The following GNAL variants were observed in gnomAD, a reference collection of about 807,000 sequenced individuals.
The protein encoded by GNAL is G protein subunit alpha L.
GNAL carries 18 observed loss-of-function variants against 55.1 expected under a neutral mutation model. The ratio of observed to expected loss-of-function variants is 0.33; its 90% CI spans 0.23 to 0.48. The LOEUF (loss-of-function observed/expected upper bound fraction) is 0.48. Among genes scored for constraint, GNAL ranks in the 20% least tolerant of loss-of-function variants. The pLI is 0.99. For synonymous variants in GNAL, 253 were observed against 237.0 expected, an observed-to-expected ratio of 1.07 and a Z score of -0.62; for missense variants, 412 against 614.1, an observed-to-expected ratio of 0.67 and a Z score of 3.48.
At position 11,882,759 on chromosome 18, in the gene GNAL, C is replaced by T. The variant is rs1178076453; in HGVS notation, c.*1624C>T. 3 of 151,028 alleles carry T rather than the reference C, an allele frequency of 2.0e-5. No homozygotes were observed. The highest frequency in any genetic ancestry group is 4.4e-5 in the Non-Finnish European group (3 of 67,832). 9.4% of individuals were successfully genotyped at this position (151,028 alleles called of 1,614,324 possible). A position where few individuals can be genotyped will look rare whatever the true frequency, so the allele number is the denominator to read the frequency against. On this transcript the variant is annotated 3_prime_UTR_variant, in exon 12 of 12. Coordinates refer to ENST00000334049, the MANE Select transcript of GNAL (RefSeq NM_182978.4). ...TAGGAGAATGAGGATGACAGCTTCA[C>T]TTGCCTTTTGAAGAAGAAACATTAC...
chr18:11,799,706 T>C (rs2034473858), intron 4 of GNAL, among the ~76,000 whole-genome samples: 2 of 152,234 alleles, frequency 1.3e-5, no homozygotes, highest in South Asian at 2.1e-4. Flanking sequence ...TGAAATACTT[T>C]TGGCCCCAGC....
chr18:11,768,981 T>C (rs1334842211), intron 4 of GNAL, among the ~76,000 whole-genome samples: 3 of 109,808 alleles, frequency 2.7e-5, no homozygotes, highest in Non-Finnish European at 4.9e-5. Flanking sequence ...ATATATATTA[T>C]ATATTCTATA....
At chr18:11,789,098 C>T (rs193063994) in intron 4 of GNAL, among the ~76,000 whole-genome samples, 62 of 151,808 alleles carry the variant, frequency 4.1e-4, no homozygotes, top group Non-Finnish European at 7.4e-4. Flanking sequence ...TTCTCGATGC[C>T]ACACAACCTG....
At chr18:11,851,532 C>A (rs376388065) in intron 5 of GNAL, 2 of 1,600,472 alleles carry the variant, frequency 1.2e-6, no homozygotes, top group Non-Finnish European at 1.7e-6. Context: ...TGGAGAAACA[C>A]CTGTTCAACC....
chr18:11,855,420 C>T (rs998316773), intron 5 of GNAL, among the ~76,000 whole-genome samples: 9 of 152,128 alleles, frequency 5.9e-5, no homozygotes, highest in Admixed American at 3.9e-4. Context: ...TTCATTTTTC[C>T]GCCTTCAAGT....
At chr18:11,858,638 C>A (rs1043984427) in intron 5 of GNAL, among the ~76,000 whole-genome samples, 1 of 152,200 alleles carries the variant, frequency 6.6e-6, no homozygotes, top group Non-Finnish European at 1.5e-5. Context: ...ATCTACCACT[C>A]TATTATTTAT....
At chr18:11,746,221 G>A in intron 1 of GNAL, 5 of 516,912 alleles carry the variant, frequency 9.7e-6, no homozygotes, top group South Asian at 5.8e-5. Context: ...TACAACCTCT[G>A]CATGCCTTCT....
intron 1 of GNAL, among the ~76,000 whole-genome samples, chr18:11,743,499 A>G (rs547862244): frequency 6.6e-6 from 1 of 152,232 alleles, no homozygotes; most frequent in South Asian, 2.1e-4. Context: ...TCTAAGTGCT[A>G]AAATTATTTT....
intron 4 of GNAL, among the ~76,000 whole-genome samples, chr18:11,765,673 C>A (rs914603951): frequency 6.6e-6 from 1 of 152,160 alleles, no homozygotes; most frequent in African/African-American, 2.4e-5. Context: ...ATTTGTCTTC[C>A]TGTGCTTGGC....
intron 4 of GNAL, among the ~76,000 whole-genome samples, chr18:11,755,050 G>A (rs1224524634): frequency 4.6e-5 from 7 of 151,660 alleles, no homozygotes; most frequent in African/African-American, 1.7e-4. Flanking sequence ...ATCAATAACA[G>A]TCTTTCAAAA....
chr18:11,778,058 C>T (rs1156998454), intron 4 of GNAL, among the ~76,000 whole-genome samples: 1 of 152,206 alleles, frequency 6.6e-6, no homozygotes. Context: ...CACTCGCTTT[C>T]CCCTGCAAGT....
In GNAL at chr18:11,753,777, A is replaced by G; in HGVS notation, c.505-49A>G. Reference sequence around the variant, plus strand: ...GAAATTACATATTGTAGATTATCATACATGGAGCCTAAATGTTTATCCATA... The same window carrying G: ...GAAATTACATATTGTAGATTATCATGCATGGAGCCTAAATGTTTATCCATA... On this transcript the variant is annotated intron_variant, in intron 3 of 11. Coordinates refer to ENST00000334049, the MANE Select transcript of GNAL (RefSeq NM_182978.4). 3.9e-6 allele frequency: 6 copies of G among 1,525,592 alleles called. No individual in the cohort carries two copies. In the African/African-American group the frequency reaches 6.8e-5, roughly 17 times the overall value. The allele number at this position is 1,525,592 out of a possible 1,614,324, so 94.5% of individuals were successfully genotyped here.
intron 4 of GNAL, among the ~76,000 whole-genome samples, chr18:11,809,165 G>A (rs1301424950): frequency 6.6e-6 from 1 of 152,144 alleles, no homozygotes; most frequent in Non-Finnish European, 1.5e-5. Flanking sequence ...GTCTGAGGCA[G>A]GAGAATCACT....
At chr18:11,702,592 C>G (rs1032965031) in intron 1 of GNAL, among the ~76,000 whole-genome samples, 7 of 152,166 alleles carry the variant, frequency 4.6e-5, no homozygotes, top group African/African-American at 1.7e-4. Flanking sequence ...TACCACGTCC[C>G]AGGTTCTGTC....
chr18:11,764,339 T>G (rs907332495), intron 4 of GNAL, among the ~76,000 whole-genome samples: 2 of 152,104 alleles, frequency 1.3e-5, no homozygotes, highest in Non-Finnish European at 2.9e-5. Context: ...ACTCCCAACC[T>G]TAAGTAATCC....
In GNAL at chr18:11,796,665, C is replaced by T. The variant is rs139714474; in HGVS notation, c.625-28253C>T. The stretch of plus-strand genomic sequence containing the variant: ...ACTGCAAACATTCGGTGATATCCTG[C>T]CAGTGTCATAGAAACAGGTATAACC... On this transcript the variant is annotated intron_variant, in intron 4 of 11. Coordinates refer to ENST00000334049, the MANE Select transcript of GNAL (RefSeq NM_182978.4). Among the ~76,000 whole-genome samples the T allele has an allele frequency of 1.8e-3, 280 of 151,670 alleles. 1 individual carries two copies. The highest frequency in any genetic ancestry group is 6.5e-3 in the African/African-American group (268 of 41,290).
At chr18:11,849,823 A>T (rs906243769) in intron 5 of GNAL, among the ~76,000 whole-genome samples, 2 of 152,192 alleles carry the variant, frequency 1.3e-5, no homozygotes, top group Non-Finnish European at 2.9e-5. Flanking sequence ...TCTGAAATAC[A>T]ATTAAATTCA....
chr18:11,867,821 A>T (rs113452818), intron 8 of GNAL, among the ~76,000 whole-genome samples: 1,551 of 147,446 alleles, frequency 0.011, 27 homozygotes, highest in African/African-American at 0.037. Context: ...TGTCAAAAAA[A>T]AATAATAATA....
intron 5 of GNAL, among the ~76,000 whole-genome samples, chr18:11,847,244 C>T (rs531768657): frequency 6.6e-6 from 1 of 152,154 alleles, no homozygotes; most frequent in South Asian, 2.1e-4. Flanking sequence ...TGCTGCTCAG[C>T]AAACACAAAT....
Sources: allele counts gnomAD v4.1 joint callset (sites outside exome capture counted in the v4.1 genomes callset), GRCh38; gene constraint gnomAD v4.1.1; transcripts MANE v1.5; gene names NCBI Gene and HGNC (gene_info 2026-07-23, HGNC 2026-07-21).